FAM193A: variants seen among roughly 807,000 people sequenced by gnomAD.
The protein encoded by FAM193A is family with sequence similarity 193 member A, also known as protein FAM193A.
A neutral mutation model predicts 126.5 loss-of-function variants in FAM193A; 22 were observed. That is an observed-to-expected ratio of 0.17 (90% confidence interval 0.12 to 0.25). The LOEUF is 0.25. FAM193A is among the 10% of genes least tolerant of loss of function. The pLI, the probability that FAM193A is intolerant of heterozygous loss-of-function variation, is 1.00. For missense variants in FAM193A, 1,675 were observed against 1,672.8 expected (o/e 1.00, Z -0.02); for synonymous variants, 761 against 646.8 (o/e 1.18, Z -2.68).
At chr4:2,682,047 C>A (rs59080809) in intron 13 of FAM193A, among the ~76,000 whole-genome samples, 1 of 138,826 alleles carries the variant, frequency 7.2e-6, no homozygotes. Flanking sequence ...TGCAGTGATG[C>A]GATCTCGGCT....
intron 20 of FAM193A, among the ~76,000 whole-genome samples, chr4:2,727,692 G>T (rs1443890482): frequency 6.6e-6 from 1 of 152,208 alleles, no homozygotes; most frequent in Non-Finnish European, 1.5e-5. Flanking sequence ...AAGACAGAGT[G>T]CAGGGGCTCT....
chr4:2,665,244 T>G (rs1712978884), intron 12 of FAM193A, among the ~76,000 whole-genome samples: 1 of 152,258 alleles, frequency 6.6e-6, no homozygotes, highest in Non-Finnish European at 1.5e-5. Flanking sequence ...TTTCTAATTT[T>G]GATTTCCAAT....
intron 1 of FAM193A, among the ~76,000 whole-genome samples, chr4:2,581,676 C>T (rs76571437): frequency 0.27 from 41,089 of 151,856 alleles, 5,985 homozygotes; most frequent in Middle Eastern, 0.39. Flanking sequence ...GACGGAGTCT[C>T]GCTCTGTCTT....
chr4:2,548,061 G>C (rs1737677904), intron 1 of FAM193A, among the ~76,000 whole-genome samples: 2 of 143,956 alleles, frequency 1.4e-5, no homozygotes, highest in South Asian at 4.5e-4. Flanking sequence ...GTTTTATCAA[G>C]ACTTTGCCTA....
Position 2,696,428 on chromosome 4 carries a change from C to A in FAM193A, c.3342C>A (p.Thr1114=), listed in dbSNP as rs1333704185. Residue 1114 remains threonine, a synonymous_variant, in exon 18 of 21, where the codon ACC becomes ACA. Transcript: ENST00000637812. The part of the protein sequence containing the change: ...EMREKLRLRL[T]KRKEEQPKKM... Reference sequence around the variant, plus strand: ...GGGAAAAGCTTCGCTTACGGCTGACCAAGAGGAAAGAGGAGCAACCTAAAA... The same window carrying A: ...GGGAAAAGCTTCGCTTACGGCTGACAAAGAGGAAAGAGGAGCAACCTAAAA... The A allele has an allele frequency of 2.5e-6, 4 of 1,614,108 alleles. No homozygotes were observed. The highest frequency in any genetic ancestry group is 2.2e-5 in the East Asian group (1 of 44,888).
rs966790717 is a variant in FAM193A at position 2,586,604 on chromosome 4, G to A, written c.256-9480G>A. 4.6e-5 allele frequency among the ~76,000 whole-genome samples: 7 copies of A among 151,948 alleles called. No homozygotes were observed. In the South Asian group the frequency reaches 1.0e-3, roughly 23 times the overall value. On this transcript the variant is annotated intron_variant, in intron 1 of 20. Coordinates refer to ENST00000637812, the MANE Select transcript of FAM193A (RefSeq NM_001366318.2). ...TCATACCTTGATTCTATATTCCTTCGTCTACTTTTCTATCCTTGAGCGGCC... is the reference window on the plus strand; with the variant it reads ...TCATACCTTGATTCTATATTCCTTCATCTACTTTTCTATCCTTGAGCGGCC...
intron 12 of FAM193A, among the ~76,000 whole-genome samples, chr4:2,670,459 CT>C (rs536197759): frequency 7.3e-5 from 11 of 149,814 alleles, no homozygotes; most frequent in Non-Finnish European, 1.2e-4. Flanking sequence ...GTGGGTCACA[CT>C]TTTTTTTTTC....
At chr4:2,581,480 C>T (rs565979174) in intron 1 of FAM193A, among the ~76,000 whole-genome samples, 34 of 152,090 alleles carry the variant, frequency 2.2e-4, no homozygotes, top group African/African-American at 8.0e-4. Flanking sequence ...ATCTCGACTC[C>T]TGAGCTCAGG....
chr4:2,719,337 G>GT (rs1276332433), intron 20 of FAM193A, among the ~76,000 whole-genome samples: 1 of 152,078 alleles, frequency 6.6e-6, no homozygotes, highest in Non-Finnish European at 1.5e-5. Flanking sequence ...CTACATCAGT[G>GT]TAATTTTCAA....
chr4:2,654,320 CT>C (rs1199068043), intron 7 of FAM193A: 2 of 151,992 alleles, frequency 1.3e-5, no homozygotes, highest in African/African-American at 4.8e-5. Context: ...TCAAGCAGCC[CT>C]CCCACCTCAG....
At chr4:2,672,869 A>C (rs562319979) in intron 13 of FAM193A, among the ~76,000 whole-genome samples, 1 of 152,358 alleles carries the variant, frequency 6.6e-6, no homozygotes, top group East Asian at 1.9e-4. Flanking sequence ...GATGCCACAG[A>C]AAACTATAAC....
intron 7 of FAM193A, among the ~76,000 whole-genome samples, chr4:2,657,002 A>G (rs1014844479): frequency 5.9e-5 from 9 of 152,168 alleles, no homozygotes; most frequent in Non-Finnish European, 8.8e-5. Flanking sequence ...CACCGTCTCT[A>G]GTAAAAATAG....
At chr4:2,540,999 A>C (rs1197855972) in intron 1 of FAM193A, among the ~76,000 whole-genome samples, 5 of 149,520 alleles carry the variant, frequency 3.3e-5, no homozygotes. Context: ...GGGCAGGCGC[A>C]GTGGCTGACA....
chr4:2,710,679 A>C lies in FAM193A; in HGVS notation c.4373-5344A>C, dbSNP rs1455403441. 2.0e-5 allele frequency among the ~76,000 whole-genome samples: 3 copies of C among 150,954 alleles called. No homozygotes were observed. The East Asian group carries it at 5.9e-4, about 30-fold the overall frequency. ...CACCACACTCGGCTAATTTTTTTGTAGTTTTTGTAGGAACAGCATTTTGCC... is the reference window on the plus strand; with the variant it reads ...CACCACACTCGGCTAATTTTTTTGTCGTTTTTGTAGGAACAGCATTTTGCC... On this transcript the variant is annotated intron_variant, in intron 19 of 20. Coordinates refer to ENST00000637812, the MANE Select transcript of FAM193A (RefSeq NM_001366318.2).
At chr4:2,576,347 C>T (rs1335623410) in intron 1 of FAM193A, among the ~76,000 whole-genome samples, 4 of 152,204 alleles carry the variant, frequency 2.6e-5, no homozygotes, top group Non-Finnish European at 5.9e-5. Flanking sequence ...ATCCGCCTGC[C>T]TCGGCCTCCC....
At chr4:2,556,615 G>A (rs374833686) in intron 1 of FAM193A, among the ~76,000 whole-genome samples, 2 of 152,264 alleles carry the variant, frequency 1.3e-5, no homozygotes, top group Admixed American at 6.5e-5. Context: ...CCGGGAGGTC[G>A]AGACTGCAGT....
chr4:2,601,533 C>A (rs1168945690), intron 2 of FAM193A, among the ~76,000 whole-genome samples: 1 of 151,956 alleles, frequency 6.6e-6, no homozygotes, highest in Non-Finnish European at 1.5e-5. Context: ...CCATACCCGG[C>A]TACTTTTTTA....
At position 2,536,780 on chromosome 4, in the gene FAM193A, G is replaced by A. The variant is rs1196046639; in HGVS notation, c.-136G>A. On this transcript the variant is annotated 5_prime_UTR_variant, in exon 1 of 21. Transcript: ENST00000637812. The stretch of plus-strand genomic sequence containing the variant: ...CGCCCGCCCCAGCCCTCCCCGACCC[G>A]GACGCGACCCCGCGCAGCGCCCCCC... 7 of 49,416 alleles carry A rather than the reference G, an allele frequency of 1.4e-4. No individual in the cohort carries two copies. Among genetic ancestry groups the A allele is most frequent in the Admixed American group, 1.4e-3 (6 of 4,292 alleles). The allele number at this position is 49,416 out of a possible 1,614,324, so 3.1% of individuals were successfully genotyped here. A position where few individuals can be genotyped will look rare whatever the true frequency, so the allele number is the denominator to read the frequency against.
chr4:2,591,056 C>G (rs946517470), intron 1 of FAM193A, among the ~76,000 whole-genome samples: 4 of 150,560 alleles, frequency 2.7e-5, no homozygotes, highest in African/African-American at 9.8e-5. Flanking sequence ...AGAAGTTGTA[C>G]AGGAGTTGTA....
Sources: allele counts gnomAD v4.1 joint callset (sites outside exome capture counted in the v4.1 genomes callset), GRCh38; gene constraint gnomAD v4.1.1; transcripts MANE v1.5; gene names NCBI Gene and HGNC (gene_info 2026-07-23, HGNC 2026-07-21).